RNGTT: variants seen among roughly 807,000 people sequenced by gnomAD.
RNGTT encodes mRNA-capping enzyme.
A neutral mutation model predicts 79.3 loss-of-function variants in RNGTT; 33 were observed. The observed-to-expected ratio is 0.42, with a 90% confidence interval of 0.32 to 0.56. The LOEUF is 0.56. Ranked by LOEUF, RNGTT falls within the 20% of genes least tolerant of loss-of-function variation. The probability of loss-of-function intolerance (pLI) is 0.17; values close to 1 mark genes in which losing one functional copy is unlikely to be tolerated. For missense variants in RNGTT, 497 were observed against 739.1 expected (o/e 0.67, Z 3.80); for synonymous variants, 222 against 235.9 (o/e 0.94, Z 0.54).
At chr6:88,860,840 A>G (rs1354256032) in intron 8 of RNGTT, among the ~76,000 whole-genome samples, 2 of 123,880 alleles carry the variant, frequency 1.6e-5, no homozygotes, top group African/African-American at 5.3e-5. Context: ...AAAAAAAAAC[A>G]TGTTAATGGG....
At chr6:88,923,240 C>A (rs1245563664) in intron 4 of RNGTT, among the ~76,000 whole-genome samples, 2 of 152,140 alleles carry the variant, frequency 1.3e-5, no homozygotes, top group South Asian at 4.1e-4. Context: ...ATTTTACTGA[C>A]CATTGATGAT....
intron 10 of RNGTT, among the ~76,000 whole-genome samples, chr6:88,846,556 T>C (rs1011896061): frequency 2.0e-5 from 3 of 152,094 alleles, no homozygotes; most frequent in African/African-American, 4.8e-5. Flanking sequence ...GTGACCAGCG[T>C]AGCCATCATG....
intron 11 of RNGTT, 61 bp downstream of exon 11, chr6:88,844,296 A>C: frequency 6.8e-7 from 1 of 1,467,986 alleles, no homozygotes; most frequent in Non-Finnish European, 9.3e-7. Context: ...ATTCATATTC[A>C]TCTTGTAAGC....
At chr6:88,614,994 T>A (rs1772166566) in intron 14 of RNGTT, among the ~76,000 whole-genome samples, 1 of 152,214 alleles carries the variant, frequency 6.6e-6, no homozygotes, top group South Asian at 2.1e-4. Flanking sequence ...ATGAAGCTAT[T>A]TGTGACATTA....
At chr6:88,748,020 A>G (rs1308477451) in intron 13 of RNGTT, among the ~76,000 whole-genome samples, 1 of 151,998 alleles carries the variant, frequency 6.6e-6, no homozygotes, top group Non-Finnish European at 1.5e-5. Flanking sequence ...AAATCACTAC[A>G]CTACACCTTC....
intron 12 of RNGTT, among the ~76,000 whole-genome samples, chr6:88,785,088 A>G (rs1180712837): frequency 6.6e-6 from 1 of 152,150 alleles, no homozygotes; most frequent in Non-Finnish European, 1.5e-5. Flanking sequence ...AAAATCTACC[A>G]TTAATGTTTC....
chr6:88,949,161 A>AAAAAAAAAAAAAAAAAAG (rs1785151472), intron 1 of RNGTT, among the ~76,000 whole-genome samples: 2 of 79,854 alleles, frequency 2.5e-5, no homozygotes, highest in Non-Finnish European at 4.6e-5. Context: ...AATAAAATGA[A>AAAAAAAAAAAAAAAAAAG]AAAAAAAAAA....
chr6:88,888,202 C>T (rs114763469), intron 8 of RNGTT, among the ~76,000 whole-genome samples: 4 of 151,936 alleles, frequency 2.6e-5, no homozygotes, highest in Non-Finnish European at 4.4e-5. Context: ...TAAATGTATG[C>T]CTCAATCCCA....
At chr6:88,865,682 T>C (rs1782144491) in intron 8 of RNGTT, among the ~76,000 whole-genome samples, 1 of 152,154 alleles carries the variant, frequency 6.6e-6, no homozygotes, top group African/African-American at 2.4e-5. Context: ...GAATTCATAT[T>C]TTAAAAACTT....
At chr6:88,838,486 T>C (rs950078391) in intron 11 of RNGTT, among the ~76,000 whole-genome samples, 1 of 152,104 alleles carries the variant, frequency 6.6e-6, no homozygotes, top group Admixed American at 6.5e-5. Context: ...ATACTACCAA[T>C]AGTCAGAAAC....
intron 13 of RNGTT, among the ~76,000 whole-genome samples, chr6:88,685,405 C>T (rs530769784): frequency 2.0e-5 from 3 of 152,034 alleles, no homozygotes; most frequent in Admixed American, 1.3e-4. Context: ...GAAATCTCTG[C>T]ACTTTGTTTA....
At chr6:88,829,701 C>CAA (rs766593092) in intron 11 of RNGTT, among the ~76,000 whole-genome samples, 2 of 47,618 alleles carry the variant, frequency 4.2e-5, no homozygotes, top group East Asian at 7.5e-4. Flanking sequence ...AAATGGAAAG[C>CAA]AAAAAAAAAA....
At chr6:88,844,079 T>C (rs539629174) in intron 11 of RNGTT, among the ~76,000 whole-genome samples, 105 of 152,138 alleles carry the variant, frequency 6.9e-4, no homozygotes, top group Non-Finnish European at 1.2e-3. Flanking sequence ...ATGTTGCTTA[T>C]AGCTTTTTAA....
chr6:88,764,464 T>C (rs1419251042), intron 13 of RNGTT, among the ~76,000 whole-genome samples: 1 of 152,196 alleles, frequency 6.6e-6, no homozygotes, highest in Non-Finnish European at 1.5e-5. Flanking sequence ...TAGAATACTA[T>C]TAGCAACTTT....
intron 13 of RNGTT, among the ~76,000 whole-genome samples, chr6:88,740,326 T>C (rs538753065): frequency 1.3e-5 from 2 of 152,064 alleles, no homozygotes; most frequent in South Asian, 4.2e-4. Context: ...GAGACCAGCA[T>C]GGACAACATA....
chr6:88,806,957 G>A (rs1779977042), intron 11 of RNGTT, among the ~76,000 whole-genome samples: 1 of 152,192 alleles, frequency 6.6e-6, no homozygotes, highest in Non-Finnish European at 1.5e-5. Flanking sequence ...GGATGGAGCT[G>A]GAAGCCATTA....
intron 8 of RNGTT, among the ~76,000 whole-genome samples, chr6:88,874,349 T>C (rs779482795): frequency 6.6e-6 from 1 of 152,100 alleles, no homozygotes; most frequent in African/African-American, 2.4e-5. Flanking sequence ...CACAGAGGCA[T>C]GTAAACAACA....
chr6:88,778,654 C>G (rs1376940486), intron 12 of RNGTT, among the ~76,000 whole-genome samples: 1 of 152,038 alleles, frequency 6.6e-6, no homozygotes, highest in Non-Finnish European at 1.5e-5. Flanking sequence ...TTGCACCCAG[C>G]TCAAACAGAT....
intron 14 of RNGTT, among the ~76,000 whole-genome samples, chr6:88,664,057 G>A (rs1291681193): frequency 6.6e-6 from 1 of 152,158 alleles, no homozygotes; most frequent in African/African-American, 2.4e-5. Context: ...GGCTGGAAGA[G>A]CATGTTCCAG....
Sources: allele counts gnomAD v4.1 joint callset (sites outside exome capture counted in the v4.1 genomes callset), GRCh38; gene constraint gnomAD v4.1.1; transcripts MANE v1.5; gene names NCBI Gene and HGNC (gene_info 2026-07-23, HGNC 2026-07-21).